Variants in SCFD2 observed in about 807,000 individuals in gnomAD.
SCFD2 encodes sec1 family domain containing 2.
SCFD2 carries 54 observed loss-of-function variants against 58.9 expected under a neutral mutation model. The observed-to-expected ratio is 0.92, with a 90% CI of 0.74 to 1.15. The LOEUF (loss-of-function observed/expected upper bound fraction) is 1.15, where lower values mean the gene tolerates loss of function less well. Among genes scored for constraint, SCFD2 ranks in the 50% most tolerant of loss-of-function variants. The pLI, the probability that SCFD2 is intolerant of heterozygous loss-of-function variation, is 0.00. For synonymous variants in SCFD2, 321 were observed against 335.9 expected (o/e 0.96, Z 0.49); for missense variants, 805 against 836.6 (o/e 0.96, Z 0.47).
At position 53,012,967 on chromosome 4, in the gene SCFD2, G is replaced by C. The variant is rs529355050; in HGVS notation, c.1562-92097C>G. Among the ~76,000 whole-genome samples the C allele has an allele frequency of 2.0e-5, 3 of 152,118 alleles. No individual in the cohort carries two copies. In the East Asian group the frequency reaches 5.8e-4, roughly 29 times the overall value. On this transcript the variant is annotated intron_variant, in intron 5 of 8. Transcript: ENST00000401642. Reference sequence around the variant, plus strand: ...AAGTAATCTTATTTATGACAGGAAGGGGCCCTAGCTAGACTGAACTCCACC... The same window carrying C: ...AAGTAATCTTATTTATGACAGGAAGCGGCCCTAGCTAGACTGAACTCCACC...
intron 4 of SCFD2, among the ~76,000 whole-genome samples, chr4:53,171,373 A>G (rs1577799802): frequency 1.3e-5 from 2 of 152,322 alleles, no homozygotes; most frequent in Middle Eastern, 3.4e-3. Context: ...CAACTTGTTC[A>G]TTGTGAATTA....
intron 4 of SCFD2, among the ~76,000 whole-genome samples, chr4:53,222,017 G>C (rs1729060761): frequency 6.6e-6 from 1 of 152,186 alleles, no homozygotes; most frequent in Admixed American, 6.5e-5. Flanking sequence ...TTCAGTACCA[G>C]ACAGGTTCCT....
intron 5 of SCFD2, among the ~76,000 whole-genome samples, chr4:53,113,309 A>C (rs1725224983): frequency 6.6e-6 from 1 of 152,096 alleles, no homozygotes; most frequent in South Asian, 2.1e-4. Flanking sequence ...GGCCAATGAA[A>C]TATGAGCAGA....
intron 2 of SCFD2, 24 bp from the exon 3 acceptor site, chr4:53,313,787 C>A: frequency 6.2e-7 from 1 of 1,612,736 alleles, no homozygotes; most frequent in Non-Finnish European, 8.5e-7. Flanking sequence ...ACAAAAAGAG[C>A]TTTAGAATAA....
At chr4:53,205,271 C>A (rs994036972) in intron 4 of SCFD2, among the ~76,000 whole-genome samples, 3 of 152,074 alleles carry the variant, frequency 2.0e-5, no homozygotes, top group Non-Finnish European at 4.4e-5. Flanking sequence ...CTATCATTGC[C>A]ACTGTCCCAT....
At chr4:53,231,784 A>G (rs1729447739) in intron 4 of SCFD2, among the ~76,000 whole-genome samples, 2 of 152,060 alleles carry the variant, frequency 1.3e-5, no homozygotes, top group South Asian at 4.1e-4. Context: ...CTAAGGCTAT[A>G]ATCCCTTAAA....
chr4:52,937,449 G>A (rs1029317778), intron 5 of SCFD2, among the ~76,000 whole-genome samples: 3 of 152,308 alleles, frequency 2.0e-5, no homozygotes, highest in South Asian at 2.1e-4. Flanking sequence ...GTGGACTTAC[G>A]TGGGGGCACC....
intron 5 of SCFD2, among the ~76,000 whole-genome samples, chr4:53,037,874 A>G (rs1463046725): frequency 6.6e-6 from 1 of 152,194 alleles, no homozygotes; most frequent in African/African-American, 2.4e-5. Context: ...CAAGGAAAAA[A>G]ATCTATTGAT....
intron 5 of SCFD2, among the ~76,000 whole-genome samples, chr4:53,129,957 T>C (rs1353286366): frequency 2.6e-5 from 4 of 152,222 alleles, no homozygotes; most frequent in Non-Finnish European, 5.9e-5. Flanking sequence ...ACAGTGGTTT[T>C]CTCTGGGTAG....
intron 3 of SCFD2, among the ~76,000 whole-genome samples, chr4:53,291,216 A>G (rs1445575533): frequency 6.6e-6 from 1 of 152,152 alleles, no homozygotes; most frequent in Non-Finnish European, 1.5e-5. Context: ...TAGCATACAA[A>G]TTTAACAATA....
intron 5 of SCFD2, among the ~76,000 whole-genome samples, chr4:53,124,044 T>C (rs1231463234): frequency 1.3e-5 from 2 of 152,174 alleles, no homozygotes; most frequent in Admixed American, 6.5e-5. Flanking sequence ...GATGAGTCCA[T>C]AGAAATAGAA....
intron 3 of SCFD2, among the ~76,000 whole-genome samples, chr4:53,300,453 T>A (rs1732237480): frequency 6.6e-6 from 1 of 152,056 alleles, no homozygotes; most frequent in Non-Finnish European, 1.5e-5. Context: ...ATAAAGCAAG[T>A]CCTTAGAGAC....
Position 52,916,764 on chromosome 4 carries a change from T to C in SCFD2, c.1707+3961A>G, listed in dbSNP as rs1459262213. ...AAAGACACCCTTTCTGTGTAGCCCA[T>C]GTCCTAACAAAGGAAAAGATAAAAT... On this transcript the variant is annotated intron_variant, in intron 6 of 8. Transcript: ENST00000401642. 3.9e-5 allele frequency among the ~76,000 whole-genome samples: 6 copies of C among 152,146 alleles called. No homozygotes were observed. In the South Asian group the frequency reaches 6.2e-4, roughly 16 times the overall value.
chr4:52,886,164 C>A (rs1718735545), intron 7 of SCFD2, among the ~76,000 whole-genome samples: 1 of 152,162 alleles, frequency 6.6e-6, no homozygotes, highest in Non-Finnish European at 1.5e-5. Context: ...ACCTACCCTT[C>A]CCTAATTGTT....
intron 1 of SCFD2, among the ~76,000 whole-genome samples, chr4:53,362,408 T>C (rs890345288): frequency 2.0e-5 from 3 of 152,230 alleles, no homozygotes; most frequent in South Asian, 2.1e-4. Context: ...TGATATGTCA[T>C]AGTTATGCTT....
At chr4:53,313,585 G>C (rs1686467902) in intron 3 of SCFD2, 51 bp downstream of exon 3, 2 of 1,610,134 alleles carry the variant, frequency 1.2e-6, no homozygotes, top group Admixed American at 3.3e-5. Flanking sequence ...ATTCAGAACA[G>C]GTTTAAATAA....
At chr4:53,089,724 AT>A (rs1319365362) in intron 5 of SCFD2, among the ~76,000 whole-genome samples, 3 of 152,146 alleles carry the variant, frequency 2.0e-5, no homozygotes, top group African/African-American at 7.2e-5. Context: ...AATATAATCA[AT>A]TTCTTGCCAA....
chr4:52,947,869 A>C (rs1372958114), intron 5 of SCFD2, among the ~76,000 whole-genome samples: 3 of 151,194 alleles, frequency 2.0e-5, no homozygotes, highest in African/African-American at 7.3e-5. Flanking sequence ...AGTATAAGGT[A>C]TTTGTAACAT....
intron 2 of SCFD2, among the ~76,000 whole-genome samples, chr4:53,343,005 A>C (rs917892190): frequency 8.5e-5 from 13 of 152,238 alleles, no homozygotes; most frequent in Non-Finnish European, 1.9e-4. Context: ...AAGAGAAAGC[A>C]GGAAAGATCT....
Sources: gnomAD v4.1 joint callset for allele counts (sites outside exome capture counted in the v4.1 genomes callset) on GRCh38, gnomAD v4.1.1 for gene constraint, MANE v1.5 for transcripts, NCBI Gene and HGNC (gene_info 2026-07-23, HGNC 2026-07-21) for gene names.